The following CHD7 variants were observed in gnomAD, a reference collection of about 807,000 sequenced individuals.
CHD7 encodes the protein ATP-dependent chromatin remodeler CHD7.
Under a neutral mutation model 307.3 loss-of-function variants are expected in CHD7, and 24 were observed. That is an observed-to-expected ratio of 0.08 (90% CI 0.06 to 0.11). The LOEUF (loss-of-function observed/expected upper bound fraction) is 0.11, where lower values mean the gene tolerates loss of function less well. Among genes scored for constraint, CHD7 ranks in the 10% least tolerant of loss-of-function variants. CHD7 has a pLI of 1.00. For synonymous variants in CHD7, 1,363 were observed against 1,349.9 expected (o/e 1.01, Z -0.21); for missense variants, 3,106 against 3,727.1 (o/e 0.83, Z 4.34).
intron 1 of CHD7, among the ~76,000 whole-genome samples, chr8:60,685,399 C>T (rs187130017): frequency 9.2e-5 from 14 of 152,266 alleles, no homozygotes; most frequent in African/African-American, 1.9e-4. Flanking sequence ...CCAGGTTGAG[C>T]GTAGAATCCT....
chr8:60,736,053 A>C (rs1311604851), intron 1 of CHD7, among the ~76,000 whole-genome samples: 1 of 152,168 alleles, frequency 6.6e-6, no homozygotes, highest in Non-Finnish European at 1.5e-5. Flanking sequence ...GGTCTTGGCC[A>C]GGAAGAAAAT....
chr8:60,854,582 TC>T, intron 32 of CHD7, 59 bp downstream of exon 32: 1 of 1,397,232 alleles, frequency 7.2e-7, no homozygotes, highest in Non-Finnish European at 9.6e-7. Context: ...GTAGAGGAAA[TC>T]TTTCTAGCTT....
rs1213210240 is a variant in CHD7, at chr8:60,695,204, AAGATCAC to A, written c.-175+16123_-175+16129del. ...ACATTTGAGCAGGGAGAGGTGTAAA[AAGATCAC>A]CTTAGAAAGGTTTAGAAATAAAGCT... On this transcript the variant is annotated intron_variant, in intron 1 of 37. Transcript: ENST00000423902. Among the ~76,000 whole-genome samples the A allele has an allele frequency of 3.3e-5, 5 of 152,324 alleles. No individual in the cohort carries two copies. The East Asian group carries it at 9.6e-4, about 29-fold the overall frequency.
In CHD7 at chr8:60,769,195, A is replaced by G. The variant is rs76070447; in HGVS notation, c.1666-11805A>G. ...TAACTAAGGCTGCTGAATAGATGCT[A>G]AGGCCAGGCTAAATCACACAGCCGT... On this transcript the variant is annotated intron_variant, in intron 2 of 37. Coordinates refer to ENST00000423902, the MANE Select transcript of CHD7 (RefSeq NM_017780.4). 7.2e-3 allele frequency among the ~76,000 whole-genome samples: 1,092 copies of G among 152,348 alleles called. 18 individuals carry two copies. The highest frequency in any genetic ancestry group is 0.043 in the South Asian group (207 of 4,824).
intron 1 of CHD7, among the ~76,000 whole-genome samples, chr8:60,740,493 C>CCATG (rs1169622651): frequency 1.3e-5 from 2 of 152,124 alleles, no homozygotes; most frequent in African/African-American, 4.8e-5. Flanking sequence ...CAGACTGGGA[C>CCATG]CATGGTAGGC....
At chr8:60,838,396 T>TAAA in intron 19 of CHD7, 141 bp downstream of exon 19, 1 of 751,820 alleles carries the variant, frequency 1.3e-6, no homozygotes, top group Non-Finnish European at 2.1e-6. Flanking sequence ...CCCTGGCACA[T>TAAA]GAAGCTTTCT....
chr8:60,813,410 T>G (rs1303627677), intron 7 of CHD7, among the ~76,000 whole-genome samples: 1 of 152,210 alleles, frequency 6.6e-6, no homozygotes, highest in African/African-American at 2.4e-5. Flanking sequence ...ACTTGTCAGT[T>G]ACATTGGCTA....
At chr8:60,739,474 G>A (rs1808881008) in intron 1 of CHD7, among the ~76,000 whole-genome samples, 1 of 152,184 alleles carries the variant, frequency 6.6e-6, no homozygotes, top group Non-Finnish European at 1.5e-5. Context: ...TAAAATAGTT[G>A]TATAGTAAAG....
intron 17 of CHD7, 84 bp downstream of exon 17, chr8:60,837,096 A>T: frequency 1.8e-6 from 2 of 1,084,712 alleles, no homozygotes; most frequent in South Asian, 1.7e-5. Context: ...AGACCCATAA[A>T]TTAATGTTGC....
chr8:60,821,694 A>G (rs576575137), intron 9 of CHD7, 96 bp from the exon 10 acceptor site: 3 of 1,009,984 alleles, frequency 3.0e-6, no homozygotes, highest in Non-Finnish European at 4.2e-6. Context: ...ACACACATAC[A>G]TATCTATATG....
chr8:60,810,781 C>T (rs1302153957), intron 7 of CHD7, among the ~76,000 whole-genome samples: 1 of 152,260 alleles, frequency 6.6e-6, no homozygotes, highest in Middle Eastern at 3.4e-3. Context: ...TCTTTTCCTA[C>T]CCCACCAGTG....
intron 6 of CHD7, among the ~76,000 whole-genome samples, chr8:60,806,971 G>A (rs1466607630): frequency 6.6e-6 from 1 of 152,104 alleles, no homozygotes; most frequent in Non-Finnish European, 1.5e-5. Flanking sequence ...TTTGCAGTGA[G>A]CCATGTTTGC....
At chr8:60,799,779 CT>C (rs1380725682) in intron 4 of CHD7, among the ~76,000 whole-genome samples, 2 of 152,114 alleles carry the variant, frequency 1.3e-5, no homozygotes, top group African/African-American at 2.4e-5. Context: ...ATTGCTGCCA[CT>C]TTTGATGGAC....
intron 25 of CHD7, among the ~76,000 whole-genome samples, chr8:60,849,446 T>G (rs1805354955): frequency 6.6e-6 from 1 of 152,212 alleles, no homozygotes; most frequent in Admixed American, 6.5e-5. Flanking sequence ...CTCCCTAAAC[T>G]TTGCTTCCAG....
chr8:60,837,646 A>G (rs781340681), intron 17 of CHD7, 22 bp from the exon 18 acceptor site: 10 of 1,524,460 alleles, frequency 6.6e-6, no homozygotes, highest in South Asian at 2.5e-5. Flanking sequence ...TGCAGTAACT[A>G]TTAATTTCAT....
intron 15 of CHD7, among the ~76,000 whole-genome samples, chr8:60,833,718 G>A (rs939650486): frequency 1.3e-5 from 2 of 152,120 alleles, no homozygotes; most frequent in African/African-American, 2.4e-5. Flanking sequence ...ATTAATTTAG[G>A]ACGGAACCAA....
At chr8:60,820,863 CTTAG>C (rs1367549854) in intron 9 of CHD7, among the ~76,000 whole-genome samples, 3 of 152,210 alleles carry the variant, frequency 2.0e-5, no homozygotes, top group East Asian at 3.9e-4. Context: ...TCTAATTTTC[CTTAG>C]TTATACTTCA....
Position 60,853,349 on chromosome 8 carries a change from G to A in CHD7, c.6624G>A (p.Glu2208=), listed in dbSNP as rs762541154. 1.9e-6 allele frequency: 3 copies of A among 1,585,060 alleles called. No individual in the cohort carries two copies. The highest frequency in any genetic ancestry group is 2.3e-5 in the South Asian group (2 of 86,284). Residue 2208 remains glutamate, a synonymous_variant, in exon 31 of 38, where the codon GAG becomes GAA. Coordinates refer to ENST00000423902, the MANE Select transcript of CHD7 (RefSeq NM_017780.4). The part of the protein sequence containing the change: ...GSGKESKQEC[E]AEASSVKNEL... Reference sequence around the variant, plus strand: ...GGAAGGAGAGCAAGCAGGAATGTGAGGCAGAGGCCAGCTCTGTGAAAAATG... The same window carrying A: ...GGAAGGAGAGCAAGCAGGAATGTGAAGCAGAGGCCAGCTCTGTGAAAAATG...
chr8:60,817,489 G>A (rs1803805273), intron 8 of CHD7, among the ~76,000 whole-genome samples: 1 of 152,124 alleles, frequency 6.6e-6, no homozygotes, highest in African/African-American at 2.4e-5. Flanking sequence ...CTGGCCTATG[G>A]TAAAGTCCGC....
Sources: allele counts gnomAD v4.1 joint callset (sites outside exome capture counted in the v4.1 genomes callset), GRCh38; gene constraint gnomAD v4.1.1; transcripts MANE v1.5; gene names NCBI Gene and HGNC (gene_info 2026-07-23, HGNC 2026-07-21).